Variants in EXOSC6 observed in about 807,000 individuals in gnomAD.
The protein encoded by EXOSC6 is exosome component 6.
In EXOSC6, 21 loss-of-function variants were observed where a neutral mutation model predicts 16.7. The observed-to-expected ratio is 1.26, with a 90% CI of 0.89 to 1.82. EXOSC6 has a LOEUF of 1.82. EXOSC6 is among the 40% of genes most tolerant of loss of function. EXOSC6 has a pLI of 0.00. For synonymous variants in EXOSC6, 297 were observed against 217.1 expected (o/e 1.37, Z -3.24); for missense variants, 538 against 415.7 (o/e 1.29, Z -2.56).
Position 70,247,134 on chromosome 16 carries a change from T to A in EXOSC6, c.*3948A>T, listed in dbSNP as rs921437581. On this transcript the variant is annotated 3_prime_UTR_variant, in exon 1 of 1. Coordinates refer to ENST00000435634, the MANE Select transcript of EXOSC6 (RefSeq NM_058219.3). ...TGTAAATCCCAACTACTCGGGAGGC[T>A]GAGACACAAGAATCGCTTGAACCCA... The A allele has an allele frequency of 1.1e-4, 36 of 314,174 alleles. No individual in the cohort carries two copies. The highest frequency in any genetic ancestry group is 1.8e-4 in the Non-Finnish European group (30 of 165,326). The allele number at this position is 314,174 out of a possible 1,614,324, so 19.5% of individuals were successfully genotyped here.
chr16:70,250,180 A>T lies in EXOSC6; in HGVS notation c.*902T>A, dbSNP rs1959774990. 1 of 152,306 alleles carries T rather than the reference A, an allele frequency of 6.6e-6. No individual in the cohort carries two copies. The highest frequency in any genetic ancestry group is 1.5e-5 in the Non-Finnish European group (1 of 68,032). 9.4% of individuals were successfully genotyped at this position (152,306 alleles called of 1,614,324 possible). A position where few individuals can be genotyped will look rare whatever the true frequency, so the allele number is the denominator to read the frequency against. ...ATATGCATACACAAGCAAAGCCAGAAGAGAATAAATAGCAAATGAATGAAA... is the reference window on the plus strand; with the variant it reads ...ATATGCATACACAAGCAAAGCCAGATGAGAATAAATAGCAAATGAATGAAA... On this transcript the variant is annotated 3_prime_UTR_variant, in exon 1 of 1. Coordinates refer to ENST00000435634, the MANE Select transcript of EXOSC6 (RefSeq NM_058219.3).
Position 70,251,207 on chromosome 16 carries a change from C to A in EXOSC6, c.694G>T (p.Gly232Cys). ...VAGLLGSGEG[G>C]LTESWAEAVR... ...GCCTCCGCCCAGCTCTCTGTCAGGCCGCCCTCGCCGCTGCCCAGCAGCCCG... is the reference window on the plus strand; with the variant it reads ...GCCTCCGCCCAGCTCTCTGTCAGGCAGCCCTCGCCGCTGCCCAGCAGCCCG... Residue 232 changes from glycine (G) to cysteine (C), a missense_variant, in exon 1 of 1, where the codon GGC becomes TGC. Coordinates refer to ENST00000435634, the MANE Select transcript of EXOSC6 (RefSeq NM_058219.3). The A allele has an allele frequency of 6.6e-7, 1 of 1,509,940 alleles. No homozygotes were observed. 93.5% of individuals were successfully genotyped at this position (1,509,940 alleles called of 1,614,324 possible). A position where few individuals can be genotyped will look rare whatever the true frequency, so the allele number is the denominator to read the frequency against.
At position 70,248,121 on chromosome 16, in the gene EXOSC6, A is replaced by C. The variant is rs1567597886; in HGVS notation, c.*2961T>G. On this transcript the variant is annotated 3_prime_UTR_variant, in exon 1 of 1. Transcript: ENST00000435634. Reference sequence around the variant, plus strand: ...AATGTTATAATCTACACAGGCACAGACTATCAATGCTAAAAATCATTTAAA... The same window carrying C: ...AATGTTATAATCTACACAGGCACAGCCTATCAATGCTAAAAATCATTTAAA... 1 of 152,196 alleles carries C rather than the reference A, an allele frequency of 6.6e-6. No homozygotes were observed. The highest frequency in any genetic ancestry group is 1.5e-5 in the Non-Finnish European group (1 of 68,038). 9.4% of individuals were successfully genotyped at this position (152,196 alleles called of 1,614,324 possible).
rs1959779861 is a variant in EXOSC6 at position 70,250,394 on chromosome 16, C to T, written c.*688G>A. ...CAATCAAGAAATTTACTCAGCTGGG[C>T]ACAGTGGCTCACACCTGTAATTCCA... On this transcript the variant is annotated 3_prime_UTR_variant, in exon 1 of 1. Coordinates refer to ENST00000435634, the MANE Select transcript of EXOSC6 (RefSeq NM_058219.3). 6.6e-6 allele frequency: 1 copy of T among 152,204 alleles called. No homozygotes were observed. Among genetic ancestry groups the T allele is most frequent in the Non-Finnish European group, 1.5e-5 (1 of 68,080 alleles). 9.4% of individuals were successfully genotyped at this position (152,204 alleles called of 1,614,324 possible).
In EXOSC6 at chr16:70,251,873, C is replaced by A. The variant is rs564587248; in HGVS notation, c.28G>T (p.Gly10Cys). 1,418 of 1,549,934 alleles carry A rather than the reference C, an allele frequency of 9.1e-4. 3 individuals carry two copies. Among genetic ancestry groups the A allele is most frequent in the Non-Finnish European group, 1.1e-3 (1,257 of 1,158,680 alleles). Residue 10 changes from glycine to cysteine, a missense_variant, in exon 1 of 1, where the codon GGC (glycine) becomes TGC (cysteine). Gly to Cys is a radical substitution (Grantham distance 159). Transcript: ENST00000435634. MPGDHRRIR[G>C]PEESQPPQLY... ...TGCGGCGGCTGCGATTCTTCAGGGC[C>A]GCGGATGCGGCGGTGATCCCCAGGC...
In EXOSC6 at chr16:70,247,573, C is replaced by G. The variant is rs1400834155; in HGVS notation, c.*3509G>C. 1 of 152,124 alleles carries G rather than the reference C, an allele frequency of 6.6e-6. No individual in the cohort carries two copies. Among genetic ancestry groups the G allele is most frequent in the Non-Finnish European group, 1.5e-5 (1 of 68,026 alleles). 9.4% of individuals were successfully genotyped at this position (152,124 alleles called of 1,614,324 possible). A position where few individuals can be genotyped will look rare whatever the true frequency, so the allele number is the denominator to read the frequency against. ...AATTAAAGATCAGTATGGCACCACA[C>G]ATGAATAACATGCAGGCTCAGGTTA... On this transcript the variant is annotated 3_prime_UTR_variant, in exon 1 of 1. Coordinates refer to ENST00000435634, the MANE Select transcript of EXOSC6 (RefSeq NM_058219.3).
chr16:70,247,190 C>A lies in EXOSC6; in HGVS notation c.*3892G>T. Reference sequence around the variant, plus strand: ...CAGAGGTTGCAGTGAGCTGAGATTGCACCGCTGCACTCCAGCCTGGACAAT... The same window carrying A: ...CAGAGGTTGCAGTGAGCTGAGATTGAACCGCTGCACTCCAGCCTGGACAAT... On this transcript the variant is annotated 3_prime_UTR_variant, in exon 1 of 1. Coordinates refer to ENST00000435634, the MANE Select transcript of EXOSC6 (RefSeq NM_058219.3). The A allele has an allele frequency of 4.1e-6, 1 of 242,124 alleles. No individual in the cohort carries two copies. The highest frequency in any genetic ancestry group is 8.1e-6 in the Non-Finnish European group (1 of 123,660). The allele number at this position is 242,124 out of a possible 1,614,324, so 15.0% of individuals were successfully genotyped here.
rs1959833378 is a variant in EXOSC6, at chr16:70,251,838, CGCGTACAGCTGCGGCGGCT to C, written c.44_62del (p.Gln15ArgfsTer26). 1 of 1,549,734 alleles carries C rather than the reference CGCGTACAGCTGCGGCGGCT, an allele frequency of 6.5e-7. No homozygotes were observed. Among genetic ancestry groups the C allele is most frequent in the Non-Finnish European group, 8.6e-7 (1 of 1,158,628 alleles). ...TGCCGGGCGCCTCCTCCTCGTCGGC[CGCGTACAGCTGCGGCGGCT>C]GCGATTCTTCAGGGCCGCGGATGCG... On this transcript the variant is annotated frameshift_variant, in exon 1 of 1. Coordinates refer to ENST00000435634, the MANE Select transcript of EXOSC6 (RefSeq NM_058219.3). LOFTEE classifies it high-confidence loss of function.
chr16:70,249,412 GAT>G lies in EXOSC6; in HGVS notation c.*1668_*1669del, dbSNP rs1208151986. ...GACTCCGCATCAAAAAAAAAAAAAA[GAT>G]ATTTTAATATATTCAGATACACAAA... On this transcript the variant is annotated 3_prime_UTR_variant, in exon 1 of 1. Transcript: ENST00000435634. 1 of 147,358 alleles carries G rather than the reference GAT, an allele frequency of 6.8e-6. No homozygotes were observed. Among genetic ancestry groups the G allele is most frequent in the Non-Finnish European group, 1.5e-5 (1 of 67,308 alleles). The allele number at this position is 147,358 out of a possible 1,614,324, so 9.1% of individuals were successfully genotyped here.
At position 70,251,433 on chromosome 16, in the gene EXOSC6, C is replaced by G; in HGVS notation, c.468G>C (p.Ser156=). The G allele has an allele frequency of 3.0e-6, 4 of 1,346,512 alleles. No individual in the cohort carries two copies. Among genetic ancestry groups the G allele is most frequent in the Non-Finnish European group, 3.8e-6 (4 of 1,052,350 alleles). 83.4% of individuals were successfully genotyped at this position (1,346,512 alleles called of 1,614,324 possible). A position where few individuals can be genotyped will look rare whatever the true frequency, so the allele number is the denominator to read the frequency against. Residue 156 remains serine (S), a synonymous_variant, in exon 1 of 1, where the codon TCG becomes TCC. Coordinates refer to ENST00000435634, the MANE Select transcript of EXOSC6 (RefSeq NM_058219.3). ...VSALLLEDGG[S]ALAAALTAAA... Reference sequence around the variant, plus strand: ...CGGCGGTGAGCGCGGCGGCCAGGGCCGAGCCACCGTCCTCCAGCAGCAGCG... The same window carrying G: ...CGGCGGTGAGCGCGGCGGCCAGGGCGGAGCCACCGTCCTCCAGCAGCAGCG...
rs1477393931 is a variant in EXOSC6 at position 70,249,839 on chromosome 16, TATTCC to T, written c.*1238_*1242del. On this transcript the variant is annotated 3_prime_UTR_variant, in exon 1 of 1. Transcript: ENST00000435634. ...GGTGGCAGGTGCCTGTAGTCCCAGC[TATTCC>T]AGAGGCTGAGGCAGGAGAATCACTT... 2 of 152,130 alleles carry T rather than the reference TATTCC, an allele frequency of 1.3e-5. No individual in the cohort carries two copies. The highest frequency in any genetic ancestry group is 4.8e-5 in the African/African-American group (2 of 41,408). 9.4% of individuals were successfully genotyped at this position (152,130 alleles called of 1,614,324 possible). A position where few individuals can be genotyped will look rare whatever the true frequency, so the allele number is the denominator to read the frequency against.
rs1959728492 is a variant in EXOSC6, at chr16:70,248,101, T to A, written c.*2981A>T. ...ACCATTATTTTGCAATAGCCAATGT[T>A]ATAATCTACACAGGCACAGACTATC... On this transcript the variant is annotated 3_prime_UTR_variant, in exon 1 of 1. Coordinates refer to ENST00000435634, the MANE Select transcript of EXOSC6 (RefSeq NM_058219.3). 1 of 152,030 alleles carries A rather than the reference T, an allele frequency of 6.6e-6. No homozygotes were observed. Among genetic ancestry groups the A allele is most frequent in the South Asian group, 2.1e-4 (1 of 4,820 alleles). The allele number at this position is 152,030 out of a possible 1,614,324, so 9.4% of individuals were successfully genotyped here. A position where few individuals can be genotyped will look rare whatever the true frequency, so the allele number is the denominator to read the frequency against.
rs976846553 is a variant in EXOSC6, at chr16:70,248,808, G to GT, written c.*2273dup. 8.4e-6 allele frequency: 1 copy of GT among 119,362 alleles called. No homozygotes were observed. Among genetic ancestry groups the GT allele is most frequent in the Non-Finnish European group, 1.7e-5 (1 of 57,512 alleles). 7.4% of individuals were successfully genotyped at this position (119,362 alleles called of 1,614,324 possible). ...TTTTTTTTTTTTTGATAGAAACAGGGTTTCACCTTGTTGCCCAGGCTGGTC... is the reference window on the plus strand; with the variant it reads ...TTTTTTTTTTTTTGATAGAAACAGGGTTTTCACCTTGTTGCCCAGGCTGGTC... On this transcript the variant is annotated 3_prime_UTR_variant, in exon 1 of 1. Transcript: ENST00000435634.
rs772148824 is a variant in EXOSC6, at chr16:70,251,119, C to G, written c.782G>C (p.Arg261Pro). Reference protein sequence around the residue: ...LYPVLQQSLVRAARRRGAAAQ... With the variant: ...LYPVLQQSLVPAARRRGAAAQ... ...GGCGGCGCCCCTGCGGCGGGCGGCC[C>G]GCACCAGGCTCTGCTGCAGCACGGG... Residue 261 changes from arginine (R) to proline (P), a missense_variant, in exon 1 of 1, where the codon CGG becomes CCG. Arg to Pro is a moderately radical substitution (Grantham distance 103). Coordinates refer to ENST00000435634, the MANE Select transcript of EXOSC6 (RefSeq NM_058219.3). The G allele has an allele frequency of 4.6e-6, 7 of 1,512,320 alleles. No homozygotes were observed. The highest frequency in any genetic ancestry group is 2.5e-5 in the South Asian group (2 of 80,890). The allele number at this position is 1,512,320 out of a possible 1,614,324, so 93.7% of individuals were successfully genotyped here.
In EXOSC6 at chr16:70,251,907, T is replaced by G. The variant is rs1959838088; in HGVS notation, c.-7A>C. ...GGCGGTGATCCCCAGGCATGGCGGT[T>G]CTTGGCGTGCGAACCCCTTCCGCCC... On this transcript the variant is annotated 5_prime_UTR_variant, in exon 1 of 1. Transcript: ENST00000435634. 2 of 1,517,694 alleles carry G rather than the reference T, an allele frequency of 1.3e-6. No individual in the cohort carries two copies. Among genetic ancestry groups the G allele is most frequent in the Non-Finnish European group, 8.7e-7 (1 of 1,143,400 alleles). 94.0% of individuals were successfully genotyped at this position (1,517,694 alleles called of 1,614,324 possible). A position where few individuals can be genotyped will look rare whatever the true frequency, so the allele number is the denominator to read the frequency against.
In EXOSC6 at chr16:70,250,767, G is replaced by A. The variant is rs539967914; in HGVS notation, c.*315C>T. The A allele has an allele frequency of 5.7e-5, 18 of 318,278 alleles. No individual in the cohort carries two copies. Among genetic ancestry groups the A allele is most frequent in the Admixed American group, 5.5e-4 (11 of 20,126 alleles). 19.7% of individuals were successfully genotyped at this position (318,278 alleles called of 1,614,324 possible). A position where few individuals can be genotyped will look rare whatever the true frequency, so the allele number is the denominator to read the frequency against. On this transcript the variant is annotated 3_prime_UTR_variant, in exon 1 of 1. Transcript: ENST00000435634. ...CCAGCACTTTGGGAGGCCAAGGCAG[G>A]AGGATCAATCAAGGCTAGGAGTTTG...
Position 70,251,482 on chromosome 16 carries a change from G to A in EXOSC6, c.419C>T (p.Pro140Leu). ...CGCCGACACCTCGAGCTGCGCGCGC[G>A]GGTAGCGGCCCAGGCGCACAGCCGG... ...LEPAVRLGRY[P>L]RAQLEVSALL... Residue 140 changes from proline (P) to leucine (L), a missense_variant, in exon 1 of 1, where the codon CCG (proline) becomes CTG (leucine). By Grantham distance (98) the Pro-to-Leu change is moderately conservative. Transcript: ENST00000435634. 1.5e-6 allele frequency: 2 copies of A among 1,323,398 alleles called. No individual in the cohort carries two copies. The highest frequency in any genetic ancestry group is 1.5e-5 in the African/African-American group (1 of 65,160). 82.0% of individuals were successfully genotyped at this position (1,323,398 alleles called of 1,614,324 possible).
rs149061783 is a variant in EXOSC6 at position 70,251,087 on chromosome 16, G to A, written c.814C>T (p.Pro272Ser). The change falls in exon 1 of 1, where the codon CCC becomes TCC. Residue 272 changes from proline to serine, a missense_variant. Transcript: ENST00000435634. ...AARRRGAAAQ[P>S] ...TAGTTGCTCAGGCTTCTGGTTCAGGGCTGGGCGGCGGCGCCCCTGCGGCGG... is the reference window on the plus strand; with the variant it reads ...TAGTTGCTCAGGCTTCTGGTTCAGGACTGGGCGGCGGCGCCCCTGCGGCGG... 3,318 of 1,477,864 alleles carry A rather than the reference G, an allele frequency of 2.2e-3. 57 individuals carry two copies. In the African/African-American group the frequency reaches 0.042, roughly 19 times the overall value. The allele number at this position is 1,477,864 out of a possible 1,614,324, so 91.5% of individuals were successfully genotyped here. A position where few individuals can be genotyped will look rare whatever the true frequency, so the allele number is the denominator to read the frequency against.
chr16:70,247,006 G>C lies in EXOSC6; in HGVS notation c.*4076C>G, dbSNP rs1959708606. 2 of 487,518 alleles carry C rather than the reference G, an allele frequency of 4.1e-6. No homozygotes were observed. The highest frequency in any genetic ancestry group is 3.1e-5 in the South Asian group (2 of 64,694). 30.2% of individuals were successfully genotyped at this position (487,518 alleles called of 1,614,324 possible). A position where few individuals can be genotyped will look rare whatever the true frequency, so the allele number is the denominator to read the frequency against. On this transcript the variant is annotated 3_prime_UTR_variant, in exon 1 of 1. Coordinates refer to ENST00000435634, the MANE Select transcript of EXOSC6 (RefSeq NM_058219.3). ...GAATTCACCCTAAAATTAGTGTGGAGAAAACAAGCAAATTAGGTTATTTAC... is the reference window on the plus strand; with the variant it reads ...GAATTCACCCTAAAATTAGTGTGGACAAAACAAGCAAATTAGGTTATTTAC...
Sources: gnomAD v4.1 joint callset for allele counts on GRCh38, gnomAD v4.1.1 for gene constraint, MANE v1.5 for transcripts, NCBI Gene and HGNC (gene_info 2026-07-23, HGNC 2026-07-21) for gene names.